CMSS1: variants seen among roughly 807,000 people sequenced by gnomAD.
CMSS1 encodes the protein protein CMSS1.
In CMSS1, 33 loss-of-function variants were observed where a neutral mutation model predicts 43.5. The ratio of observed to expected loss-of-function variants is 0.76; its 90% CI spans 0.57 to 1.01. The LOEUF is 1.01. Ranked by LOEUF, CMSS1 falls within the 50% of genes least tolerant of loss-of-function variation. The probability of loss-of-function intolerance (pLI) is 0.00; values close to 1 mark genes in which losing one functional copy is unlikely to be tolerated. For missense variants in CMSS1, 313 were observed against 326.4 expected (o/e 0.96, Z 0.32); for synonymous variants, 115 against 117.2 (o/e 0.98, Z 0.12).
At chr3:100,137,596 T>C (rs1270591201) in intron 1 of CMSS1, among the ~76,000 whole-genome samples, 1 of 151,730 alleles carries the variant, frequency 6.6e-6, no homozygotes, top group Non-Finnish European at 1.5e-5. Context: ...AGAGTCTCGC[T>C]TTGTCGCCCA....
intron 1 of CMSS1, among the ~76,000 whole-genome samples, chr3:99,960,664 G>C (rs1203414888): frequency 6.6e-6 from 1 of 152,168 alleles, no homozygotes; most frequent in African/African-American, 2.4e-5. Context: ...AGAAGTAGGG[G>C]AGTCCAGAGT....
At chr3:99,979,388 C>G (rs1405374896) in intron 1 of CMSS1, among the ~76,000 whole-genome samples, 3 of 152,152 alleles carry the variant, frequency 2.0e-5, no homozygotes, top group Non-Finnish European at 1.5e-5. Context: ...AAGCATATCA[C>G]AGTAGAATGA....
At chr3:99,902,779 G>T (rs1303098092) in intron 1 of CMSS1, among the ~76,000 whole-genome samples, 1 of 152,156 alleles carries the variant, frequency 6.6e-6, no homozygotes, top group Non-Finnish European at 1.5e-5. Flanking sequence ...CATGGAAAAG[G>T]TTTAACAGAA....
intron 1 of CMSS1, among the ~76,000 whole-genome samples, chr3:99,922,159 G>C (rs749326704): frequency 5.3e-5 from 8 of 152,148 alleles, no homozygotes; most frequent in Non-Finnish European, 7.4e-5. Context: ...CTCTGACCGT[G>C]ATCAGTAAAT....
At chr3:100,105,770 C>A (rs6788807) in intron 1 of CMSS1, among the ~76,000 whole-genome samples, 1,858 of 152,306 alleles carry the variant, frequency 0.012, 24 homozygotes, top group African/African-American at 0.028. Flanking sequence ...GCCCATGCTT[C>A]TTACTGTTGT....
intron 1 of CMSS1, among the ~76,000 whole-genome samples, chr3:100,002,647 A>G (rs924029366): frequency 6.6e-6 from 1 of 152,212 alleles, no homozygotes; most frequent in South Asian, 2.1e-4. Context: ...ATTGACCTCA[A>G]TTTTTAATGA....
intron 1 of CMSS1, among the ~76,000 whole-genome samples, chr3:100,087,228 G>A (rs754968304): frequency 1.3e-5 from 2 of 152,166 alleles, no homozygotes; most frequent in Non-Finnish European, 2.9e-5. Flanking sequence ...GGAATTACTG[G>A]GCTTTGTTGT....
At chr3:100,146,834 G>T in intron 1 of CMSS1, 139 bp from the exon 2 acceptor site, 1 of 1,060,558 alleles carries the variant, frequency 9.4e-7, no homozygotes, top group Non-Finnish European at 1.3e-6. Flanking sequence ...GTTTTACTTT[G>T]GACCATTTCC....
chr3:100,090,272 C>G (rs188806231), intron 1 of CMSS1, among the ~76,000 whole-genome samples: 11 of 152,220 alleles, frequency 7.2e-5, no homozygotes, highest in Admixed American at 4.6e-4. Flanking sequence ...TTAACTGTCC[C>G]GATCTTCTGA....
intron 4 of CMSS1, among the ~76,000 whole-genome samples, chr3:100,162,927 A>G (rs1206053487): frequency 6.6e-6 from 1 of 152,210 alleles, no homozygotes; most frequent in Non-Finnish European, 1.5e-5. Context: ...GTGAGCCAAG[A>G]TGACGCCATT....
At chr3:100,123,121 A>T (rs2107493260) in intron 1 of CMSS1, among the ~76,000 whole-genome samples, 1 of 152,364 alleles carries the variant, frequency 6.6e-6, no homozygotes, top group South Asian at 2.1e-4. Flanking sequence ...ACATCTTGTG[A>T]TAGTGCTGTA....
At chr3:100,000,877 T>A (rs1287512296) in intron 1 of CMSS1, among the ~76,000 whole-genome samples, 1 of 152,236 alleles carries the variant, frequency 6.6e-6, no homozygotes, top group Non-Finnish European at 1.5e-5. Context: ...TCAGTAACTA[T>A]GTTGTATATA....
At chr3:99,885,175 G>A (rs1705853123) in intron 1 of CMSS1, among the ~76,000 whole-genome samples, 1 of 152,154 alleles carries the variant, frequency 6.6e-6, no homozygotes, top group Admixed American at 6.5e-5. Context: ...GCTGAGTTTG[G>A]AAACACACAG....
intron 1 of CMSS1, among the ~76,000 whole-genome samples, chr3:99,988,329 C>G (rs1334015148): frequency 8.0e-6 from 1 of 125,760 alleles, no homozygotes; most frequent in Non-Finnish European, 1.6e-5. Context: ...AACCCCACCT[C>G]TACTAAAAAT....
At chr3:99,838,617 TA>T (rs1327612034) in intron 1 of CMSS1, among the ~76,000 whole-genome samples, 3 of 152,160 alleles carry the variant, frequency 2.0e-5, no homozygotes, top group Non-Finnish European at 4.4e-5. Context: ...ATTCAACTTA[TA>T]ATGAATTTAA....
chr3:99,896,858 A>G (rs1706271778), intron 1 of CMSS1, among the ~76,000 whole-genome samples: 1 of 152,224 alleles, frequency 6.6e-6, no homozygotes, highest in African/African-American at 2.4e-5. Context: ...CTTTGAAAAA[A>G]TAATTTTCAT....
At chr3:100,098,927 T>C (rs2066258549) in intron 1 of CMSS1, among the ~76,000 whole-genome samples, 1 of 152,254 alleles carries the variant, frequency 6.6e-6, no homozygotes, top group African/African-American at 2.4e-5. Context: ...AATTTGGGAT[T>C]ATAAATAATG....
chr3:100,016,268 C>G (rs775269367), intron 1 of CMSS1, among the ~76,000 whole-genome samples: 4 of 152,212 alleles, frequency 2.6e-5, no homozygotes, highest in Non-Finnish European at 4.4e-5. Flanking sequence ...TCTCGGCTCA[C>G]TGCAACCTCC....
intron 1 of CMSS1, among the ~76,000 whole-genome samples, chr3:99,921,822 A>G (rs955826066): frequency 2.0e-5 from 3 of 152,224 alleles, no homozygotes; most frequent in Admixed American, 6.5e-5. Context: ...TATACACTTT[A>G]CATTTTTCCC....
Sources: gnomAD v4.1 joint callset for allele counts (sites outside exome capture counted in the v4.1 genomes callset) on GRCh38, gnomAD v4.1.1 for gene constraint, MANE v1.5 for transcripts, NCBI Gene and HGNC (gene_info 2026-07-23, HGNC 2026-07-21) for gene names.